RNF150: variants seen among roughly 807,000 people sequenced by gnomAD.
RNF150 encodes the protein ring finger protein 150.
In RNF150, 24 loss-of-function variants were observed where a neutral mutation model predicts 39.3. The observed-to-expected ratio is 0.61, with a 90% confidence interval of 0.44 to 0.86. The LOEUF (loss-of-function observed/expected upper bound fraction) is 0.86. Ranked by LOEUF, RNF150 falls within the 40% of genes least tolerant of loss-of-function variation. The pLI is 0.00. For synonymous variants in RNF150, 255 were observed against 227.3 expected (o/e 1.12, Z -1.10); for missense variants, 502 against 587.8 (o/e 0.85, Z 1.51).
chr4:141,185,527 C>G (rs1727989881), intron 1 of RNF150, among the ~76,000 whole-genome samples: 1 of 152,042 alleles, frequency 6.6e-6, no homozygotes. Flanking sequence ...TTATTTTTTT[C>G]TCTTGCCTCA....
intron 1 of RNF150, among the ~76,000 whole-genome samples, chr4:141,208,611 A>T (rs1005018552): frequency 6.6e-6 from 1 of 152,194 alleles, no homozygotes; most frequent in Non-Finnish European, 1.5e-5. Flanking sequence ...AGGAATGGAA[A>T]GTCTATTGAG....
At chr4:141,015,331 T>G (rs1735229840) in intron 1 of RNF150, among the ~76,000 whole-genome samples, 1 of 152,222 alleles carries the variant, frequency 6.6e-6, no homozygotes, top group Non-Finnish European at 1.5e-5. Flanking sequence ...ATTTAAGCTG[T>G]AGATTGCTTT....
At chr4:140,954,911 T>C (rs1198645056) in intron 2 of RNF150, among the ~76,000 whole-genome samples, 1 of 152,224 alleles carries the variant, frequency 6.6e-6, no homozygotes, top group Non-Finnish European at 1.5e-5. Context: ...TCCTATCTCA[T>C]TTCATTGGAT....
chr4:141,186,591 G>A (rs1359654874), intron 1 of RNF150, among the ~76,000 whole-genome samples: 8 of 150,888 alleles, frequency 5.3e-5, no homozygotes, highest in Non-Finnish European at 8.9e-5. Flanking sequence ...TTTTTTAGTA[G>A]AGACAGGGTT....
At chr4:141,208,478 C>G (rs17349945) in intron 1 of RNF150, among the ~76,000 whole-genome samples, 33,684 of 152,204 alleles carry the variant, frequency 0.22, 3,971 homozygotes, top group South Asian at 0.32. Context: ...TCTTTGCAAG[C>G]TCCATTCTAC....
intron 1 of RNF150, chr4:141,053,762 A>C: frequency 8.2e-7 from 1 of 1,224,148 alleles, no homozygotes; most frequent in South Asian, 2.2e-5. Flanking sequence ...GAAAAAGAAA[A>C]CGAGATAAGT....
At chr4:140,884,159 A>G (rs1283567055) in intron 6 of RNF150, among the ~76,000 whole-genome samples, 4 of 151,948 alleles carry the variant, frequency 2.6e-5, no homozygotes, top group Non-Finnish European at 5.9e-5. Flanking sequence ...CTTTGTTGAT[A>G]TTCTCATTTT....
At chr4:141,070,916 T>A (rs1293243298) in intron 1 of RNF150, among the ~76,000 whole-genome samples, 4 of 145,356 alleles carry the variant, frequency 2.8e-5, no homozygotes, top group Non-Finnish European at 3.0e-5. Context: ...CATGCTGCTA[T>A]AAAGACTCAT....
At chr4:141,028,090 C>T (rs1735791510) in intron 1 of RNF150, among the ~76,000 whole-genome samples, 1 of 151,962 alleles carries the variant, frequency 6.6e-6, no homozygotes, top group Admixed American at 6.6e-5. Flanking sequence ...TGTCACTTTG[C>T]ATACTACATA....
At chr4:140,938,116 T>A (rs535371705) in intron 4 of RNF150, among the ~76,000 whole-genome samples, 1 of 152,202 alleles carries the variant, frequency 6.6e-6, no homozygotes, top group African/African-American at 2.4e-5. Context: ...CATTTTTTTT[T>A]ACTCATAAAG....
rs1389163867 is a variant in RNF150 at position 140,967,800 on chromosome 4, G to A, written c.558C>T (p.Asn186=). Residue 186 remains asparagine, a synonymous_variant, in exon 2 of 7, where the codon AAC becomes AAT. Coordinates refer to ENST00000515673, the MANE Select transcript of RNF150 (RefSeq NM_020724.2). ...TGGTGATGTACATTGTCACGGTGAT[G>A]TTTCTTTCCAGCAGGCTTACTATCT... ...GKEIVSLLER[N]ITVTMYITIG... The A allele has an allele frequency of 5.0e-6, 8 of 1,613,522 alleles. No individual in the cohort carries two copies. Among genetic ancestry groups the A allele is most frequent in the Non-Finnish European group, 6.8e-6 (8 of 1,179,634 alleles).
At chr4:141,035,069 T>A (rs909889747) in intron 1 of RNF150, among the ~76,000 whole-genome samples, 1 of 152,216 alleles carries the variant, frequency 6.6e-6, no homozygotes. Context: ...GGTATACTTG[T>A]ATAATTACAG....
intron 1 of RNF150, among the ~76,000 whole-genome samples, chr4:141,190,732 A>C (rs541556636): frequency 1.3e-5 from 2 of 152,354 alleles, no homozygotes; most frequent in East Asian, 3.9e-4. Context: ...TGAAGTATTC[A>C]TACATTTAAC....
At chr4:141,051,936 G>T (rs1736792414) in intron 1 of RNF150, among the ~76,000 whole-genome samples, 1 of 152,162 alleles carries the variant, frequency 6.6e-6, no homozygotes. Flanking sequence ...GGAAGAAAAA[G>T]AGGTTTAACG....
Position 140,947,692 on chromosome 4 carries a change from C to A in RNF150, c.852G>T (p.Gly284=), listed in dbSNP as rs1732375773. The A allele has an allele frequency of 6.2e-7, 1 of 1,606,798 alleles. No homozygotes were observed. Among genetic ancestry groups the A allele is most frequent in the Admixed American group, 1.7e-5 (1 of 58,782 alleles). ...DFDNCAVCIE[G]YKPNDVVRIL... is the part of the protein sequence containing the mutation. ...TCCGGACAACGTCATTGGGCTTGTA[C>A]CCTTCAATACAAACTGCACAGTTGT... Residue 284 remains glycine (G), a synonymous_variant, in exon 4 of 7, where the codon GGG becomes GGT. Coordinates refer to ENST00000515673, the MANE Select transcript of RNF150 (RefSeq NM_020724.2).
intron 6 of RNF150, among the ~76,000 whole-genome samples, chr4:140,871,045 A>G (rs1693072768): frequency 6.6e-6 from 1 of 151,594 alleles, no homozygotes; most frequent in South Asian, 2.1e-4. Context: ...CACACTTTAT[A>G]CTTATGAGAA....
intron 1 of RNF150, among the ~76,000 whole-genome samples, chr4:141,088,187 C>T (rs542752601): frequency 2.0e-4 from 30 of 152,312 alleles, no homozygotes; most frequent in African/African-American, 6.0e-4. Context: ...ATGTCCATAA[C>T]GTGCCTACCA....
At chr4:141,059,194 G>T (rs1182275783) in intron 1 of RNF150, among the ~76,000 whole-genome samples, 1 of 152,152 alleles carries the variant, frequency 6.6e-6, no homozygotes, top group Non-Finnish European at 1.5e-5. Flanking sequence ...CTTCTCAGCA[G>T]TCCTTTTCTC....
intron 1 of RNF150, among the ~76,000 whole-genome samples, chr4:141,166,764 C>A (rs2111166077): frequency 6.6e-6 from 1 of 152,192 alleles, no homozygotes; most frequent in Admixed American, 6.5e-5. Flanking sequence ...TAAAAACACT[C>A]AATAAACTAG....
Sources: gnomAD v4.1 joint callset for allele counts (sites outside exome capture counted in the v4.1 genomes callset) on GRCh38, gnomAD v4.1.1 for gene constraint, MANE v1.5 for transcripts, NCBI Gene and HGNC (gene_info 2026-07-23, HGNC 2026-07-21) for gene names.